The following AHI1 variants were observed in gnomAD, a reference collection of about 807,000 sequenced individuals.
AHI1 encodes jouberin.
Under a neutral mutation model 149.3 loss-of-function variants are expected in AHI1, and 123 were observed. That is an observed-to-expected ratio of 0.82 (90% confidence interval 0.71 to 0.96). AHI1 has a LOEUF of 0.96. AHI1 is among the 40% of genes least tolerant of loss of function. AHI1 has a pLI of 0.00. For missense variants in AHI1, 1,439 were observed against 1,422.7 expected, an observed-to-expected ratio of 1.01 and a Z score of -0.18; for synonymous variants, 475 against 459.8, an observed-to-expected ratio of 1.03 and a Z score of -0.42.
At chr6:135,302,758 T>C (rs1252136771) in intron 26 of AHI1, 17 of 1,288,160 alleles carry the variant, frequency 1.3e-5, no homozygotes, top group Non-Finnish European at 1.7e-5. Flanking sequence ...TAGTTACTCA[T>C]GGAGGCAGAA....
At chr6:135,287,295 C>G (rs1781805303) in intron 28 of AHI1, among the ~76,000 whole-genome samples, 2 of 152,090 alleles carry the variant, frequency 1.3e-5, no homozygotes, top group East Asian at 3.8e-4. Flanking sequence ...AGAAATTCAA[C>G]TCGAAAAATC....
chr6:135,473,307 T>A (rs1009010228), intron 5 of AHI1, among the ~76,000 whole-genome samples: 1 of 152,178 alleles, frequency 6.6e-6, no homozygotes, highest in East Asian at 1.9e-4. Context: ...CTGATTTATA[T>A]GCCTATCTTT....
At chr6:135,413,185 C>T (rs141186810) in intron 20 of AHI1, among the ~76,000 whole-genome samples, 10 of 151,828 alleles carry the variant, frequency 6.6e-5, no homozygotes, top group East Asian at 3.9e-4. Context: ...AAAAATTAAC[C>T]GGGCAGGGTA....
intron 24 of AHI1, among the ~76,000 whole-genome samples, chr6:135,354,405 T>C (rs2128429947): frequency 6.6e-6 from 1 of 152,186 alleles, no homozygotes; most frequent in East Asian, 1.9e-4. Flanking sequence ...ATTTTACATG[T>C]ATATTAATTC....
At chr6:135,443,483 G>T (rs1283817640) in intron 13 of AHI1, among the ~76,000 whole-genome samples, 1 of 152,070 alleles carries the variant, frequency 6.6e-6, no homozygotes, top group East Asian at 1.9e-4. Flanking sequence ...TATTACAAAG[G>T]TCTTTGAATA....
chr6:135,449,468 C>T (rs1787759978), intron 11 of AHI1, among the ~76,000 whole-genome samples: 2 of 152,130 alleles, frequency 1.3e-5, no homozygotes, highest in Admixed American at 6.5e-5. Flanking sequence ...ATGTCTTCTG[C>T]AAATTAGGAG....
At chr6:135,381,220 A>T (rs1288941876) in intron 23 of AHI1, among the ~76,000 whole-genome samples, 1 of 152,198 alleles carries the variant, frequency 6.6e-6, no homozygotes, top group South Asian at 2.1e-4. Flanking sequence ...TCCCACAAAA[A>T]ACAAGCTTCA....
chr6:135,353,985 T>C (rs887297970), intron 24 of AHI1, among the ~76,000 whole-genome samples: 21 of 152,272 alleles, frequency 1.4e-4, no homozygotes, highest in Non-Finnish European at 2.1e-4. Flanking sequence ...GTTAGAATGC[T>C]TTAAATTCTA....
chr6:135,336,909 C>T (rs1436537862), intron 24 of AHI1, among the ~76,000 whole-genome samples: 1 of 152,154 alleles, frequency 6.6e-6, no homozygotes, highest in Non-Finnish European at 1.5e-5. Flanking sequence ...CACATATACA[C>T]ACACACATAC....
intron 5 of AHI1, among the ~76,000 whole-genome samples, chr6:135,482,181 A>G (rs762454613): frequency 8.5e-5 from 13 of 152,120 alleles, no homozygotes; most frequent in Non-Finnish European, 1.8e-4. Context: ...AAGTACACAT[A>G]AGTTAAAATG....
Position 135,318,563 on chromosome 6 carries a change from G to A in AHI1, c.3382C>T (p.Pro1128Ser). 2 of 1,605,392 alleles carry A rather than the reference G, an allele frequency of 1.2e-6. No homozygotes were observed. The highest frequency in any genetic ancestry group is 1.7e-6 in the Non-Finnish European group (2 of 1,175,984). The change falls in exon 26 of 29, where the codon CCT (proline) becomes TCT (serine). Residue 1128 changes from proline (P) to serine (S), a missense_variant. By Grantham distance (74) the Pro-to-Ser change is moderately conservative. Transcript: ENST00000265602. ...EIKERSPPLS[P>S]EEKTKIEKSP... Reference sequence around the variant, plus strand: ...TTTTCTATTTTAGTTTTTTCCTCAGGGCTTAAAGGAGGGGATCGCTCCTTT... The same window carrying A: ...TTTTCTATTTTAGTTTTTTCCTCAGAGCTTAAAGGAGGGGATCGCTCCTTT...
At chr6:135,462,604 A>T (rs1977239) in intron 8 of AHI1, among the ~76,000 whole-genome samples, 149,241 of 152,278 alleles carry the variant, frequency 0.98, 73,141 homozygotes, top group East Asian at 1. Flanking sequence ...TTAAAGTATG[A>T]CAAGAATCAG....
intron 26 of AHI1, among the ~76,000 whole-genome samples, chr6:135,316,284 A>C (rs979775081): frequency 6.6e-6 from 1 of 152,112 alleles, no homozygotes; most frequent in African/African-American, 2.4e-5. Flanking sequence ...ACATCTGTCC[A>C]TTATTTAAAA....
At chr6:135,362,808 CTG>C (rs901772266) in intron 23 of AHI1, among the ~76,000 whole-genome samples, 6 of 152,040 alleles carry the variant, frequency 3.9e-5, no homozygotes, top group Admixed American at 3.9e-4. Flanking sequence ...TTCTCCCACT[CTG>C]TGGGTTCTCT....
At position 135,370,535 on chromosome 6, in the gene AHI1, G is replaced by T. The variant is rs112667478; in HGVS notation, c.3110-12348C>A. Among the ~76,000 whole-genome samples, 1,433 of 152,264 alleles carry T rather than the reference G, an allele frequency of 9.4e-3. 19 individuals are homozygous for T. The highest frequency in any genetic ancestry group is 0.032 in the African/African-American group (1,338 of 41,544). On this transcript the variant is annotated intron_variant, in intron 23 of 28. Coordinates refer to ENST00000265602, the MANE Select transcript of AHI1 (RefSeq NM_001134831.2). ...TGCCTCAGCAGTAGCTCTGATTATA[G>T]AAGGCTTGCTCCTCTGTTTGCCTGG...
At chr6:135,303,770 A>G (rs951619119) in intron 26 of AHI1, among the ~76,000 whole-genome samples, 4 of 152,186 alleles carry the variant, frequency 2.6e-5, no homozygotes, top group African/African-American at 4.8e-5. Context: ...TAAATATGTG[A>G]AAGAAGAAAT....
chr6:135,302,482 A>C (rs1387097842), intron 26 of AHI1: 3 of 1,014,862 alleles, frequency 3.0e-6, no homozygotes, highest in Non-Finnish European at 3.5e-6. Context: ...ATATCCTCAG[A>C]AAGTTTGTCT....
At chr6:135,300,051 A>G (rs1375294496) in intron 27 of AHI1, among the ~76,000 whole-genome samples, 3 of 152,178 alleles carry the variant, frequency 2.0e-5, no homozygotes, top group Non-Finnish European at 2.9e-5. Flanking sequence ...ACAGCCAGGC[A>G]TGGTGGCTCA....
intron 26 of AHI1, among the ~76,000 whole-genome samples, chr6:135,307,635 G>T (rs1489623354): frequency 3.3e-5 from 5 of 151,448 alleles, no homozygotes; most frequent in Admixed American, 3.3e-4. Context: ...AAAATGAAAA[G>T]CTTTTTATTT....
Sources: allele counts gnomAD v4.1 joint callset (sites outside exome capture counted in the v4.1 genomes callset), GRCh38; gene constraint gnomAD v4.1.1; transcripts MANE v1.5; gene names NCBI Gene and HGNC (gene_info 2026-07-23, HGNC 2026-07-21).